Variants in MIA2 observed in about 807,000 individuals in gnomAD.
The protein encoded by MIA2 is MIA SH3 domain ER export factor 2.
In MIA2, 127 loss-of-function variants were observed where a neutral mutation model predicts 167.8. The ratio of observed to expected loss-of-function variants is 0.76; its 90% CI spans 0.66 to 0.88. The LOEUF is 0.88. Among genes scored for constraint, MIA2 ranks in the 40% least tolerant of loss-of-function variants. The pLI is 0.00. For missense variants in MIA2, 1,690 were observed against 1,624.7 expected, an observed-to-expected ratio of 1.04 and a Z score of -0.69; for synonymous variants, 552 against 541.9, an observed-to-expected ratio of 1.02 and a Z score of -0.26.
chr14:39,260,319 A>G (rs2055035852), intron 6 of MIA2, among the ~76,000 whole-genome samples: 1 of 152,196 alleles, frequency 6.6e-6, no homozygotes, highest in Non-Finnish European at 1.5e-5. Flanking sequence ...TTACAGTCCC[A>G]CCAACAGTGT....
intron 23 of MIA2, among the ~76,000 whole-genome samples, chr14:39,375,631 A>T (rs1200748636): frequency 2.0e-5 from 3 of 152,178 alleles, no homozygotes; most frequent in Admixed American, 6.5e-5. Flanking sequence ...CGGGAGACAG[A>T]AGTTGCAGTG....
chr14:39,307,520 G>T (rs1238119867), intron 17 of MIA2, among the ~76,000 whole-genome samples: 1 of 143,042 alleles, frequency 7.0e-6, no homozygotes, highest in African/African-American at 2.6e-5. Flanking sequence ...TCCTTCCTCA[G>T]CCTCCCAAGT....
intron 9 of MIA2, among the ~76,000 whole-genome samples, chr14:39,287,467 A>G (rs2059982213): frequency 1.3e-5 from 2 of 152,144 alleles, no homozygotes; most frequent in Non-Finnish European, 2.9e-5. Context: ...CTCCCCACTG[A>G]TGATGATATT....
intron 1 of MIA2, among the ~76,000 whole-genome samples, chr14:39,234,684 A>C: frequency 6.6e-6 from 1 of 152,150 alleles, no homozygotes; most frequent in Non-Finnish European, 1.5e-5. Context: ...TGACGTTCCT[A>C]AAAAGTGTTT....
At chr14:39,386,169 AG>A in intron 23 of MIA2, 2 of 1,374,094 alleles carry the variant, frequency 1.5e-6, no homozygotes, top group Non-Finnish European at 2.1e-6. Flanking sequence ...GTTGTTCCAG[AG>A]GTCTTGCCCT....
At chr14:39,311,551 T>A (rs1312600782) in intron 18 of MIA2, among the ~76,000 whole-genome samples, 1 of 142,274 alleles carries the variant, frequency 7.0e-6, no homozygotes, top group Non-Finnish European at 1.5e-5. Flanking sequence ...GATCTTGGCT[T>A]ACCACAAGCT....
intron 24 of MIA2, among the ~76,000 whole-genome samples, chr14:39,321,627 C>A (rs1035841937): frequency 3.3e-5 from 5 of 151,572 alleles, no homozygotes; most frequent in Admixed American, 1.3e-4. Context: ...GATAACGTAT[C>A]TTTTTAAACC....
chr14:39,299,646 T>C (rs2062078316), intron 13 of MIA2, among the ~76,000 whole-genome samples: 1 of 152,202 alleles, frequency 6.6e-6, no homozygotes. Context: ...AATGATCAAA[T>C]CTAAGATATG....
intron 4 of MIA2, 41 bp from the exon 5 acceptor site, chr14:39,252,707 A>G (rs765088371): frequency 3.3e-6 from 5 of 1,498,242 alleles, no homozygotes; most frequent in Non-Finnish European, 4.6e-6. Flanking sequence ...TCAACAAAGC[A>G]AGTATTTTGG....
chr14:39,281,302 G>A (rs2058903060), intron 9 of MIA2, among the ~76,000 whole-genome samples: 1 of 151,892 alleles, frequency 6.6e-6, no homozygotes, highest in Non-Finnish European at 1.5e-5. Context: ...TTCTTTCTGG[G>A]ACTATAAAAA....
intron 14 of MIA2, 38 bp from the exon 15 acceptor site, chr14:39,302,091 A>C: frequency 6.2e-7 from 1 of 1,605,198 alleles, no homozygotes; most frequent in South Asian, 1.1e-5. Context: ...AGCATAAGGC[A>C]TTACCCTCTC....
chr14:39,277,127 T>TGAGAA (rs1394089663), intron 7 of MIA2, 62 bp downstream of exon 7: 1 of 1,530,448 alleles, frequency 6.5e-7, no homozygotes, highest in African/African-American at 1.4e-5. Context: ...ACAAATAATA[T>TGAGAA]GAGAAACATA....
At chr14:39,281,513 G>A (rs1051229154) in intron 9 of MIA2, among the ~76,000 whole-genome samples, 1 of 151,630 alleles carries the variant, frequency 6.6e-6, no homozygotes, top group African/African-American at 2.4e-5. Context: ...TTTCAGTTCT[G>A]CAGTTTTATT....
At chr14:39,287,643 A>G (rs1487672274) in intron 9 of MIA2, among the ~76,000 whole-genome samples, 1 of 151,770 alleles carries the variant, frequency 6.6e-6, no homozygotes, top group East Asian at 1.9e-4. Context: ...GGCTCACTGC[A>G]ACTCTGCCTC....
chr14:39,296,735 C>G (rs993494649), intron 13 of MIA2, among the ~76,000 whole-genome samples: 4 of 150,748 alleles, frequency 2.7e-5, no homozygotes, highest in African/African-American at 9.8e-5. Context: ...GCTGCACCCA[C>G]TAATGTGTCA....
At chr14:39,284,136 T>C (rs925697938) in intron 9 of MIA2, among the ~76,000 whole-genome samples, 1 of 152,196 alleles carries the variant, frequency 6.6e-6, no homozygotes, top group Non-Finnish European at 1.5e-5. Flanking sequence ...CCAAGGCCAG[T>C]GTCAGGGAGC....
At chr14:39,346,998 C>T (rs983890723) in intron 26 of MIA2, 10 of 208,424 alleles carry the variant, frequency 4.8e-5, no homozygotes, top group African/African-American at 1.2e-4. Flanking sequence ...GGCTCCATCT[C>T]GGCTCCACTG....
chr14:39,339,374 G>GGTTGGGATATATAGTTTGAAAATT (rs2071262735), intron 25 of MIA2, among the ~76,000 whole-genome samples: 1 of 152,084 alleles, frequency 6.6e-6, no homozygotes, highest in Admixed American at 6.5e-5. Flanking sequence ...CTGTAGCTCA[G>GGTTGGGATATATAGTTTGAAAATT]GTTGGGATAT....
chr14:39,313,876 A>AT (rs2064833249), intron 19 of MIA2, among the ~76,000 whole-genome samples: 1 of 152,288 alleles, frequency 6.6e-6, no homozygotes, highest in East Asian at 1.9e-4. Flanking sequence ...ATAAATCTAG[A>AT]TTTTACCTTG....
Sources: gnomAD v4.1 joint callset for allele counts (sites outside exome capture counted in the v4.1 genomes callset) on GRCh38, gnomAD v4.1.1 for gene constraint, MANE v1.5 for transcripts, NCBI Gene and HGNC (gene_info 2026-07-23, HGNC 2026-07-21) for gene names.